The following FMN2 variants were observed in gnomAD, a reference collection of about 807,000 sequenced individuals.
FMN2 encodes the protein formin-2.
A neutral mutation model predicts 142.3 loss-of-function variants in FMN2; 51 were observed. The ratio of observed to expected loss-of-function variants is 0.36; its 90% confidence interval spans 0.29 to 0.45. The LOEUF (loss-of-function observed/expected upper bound fraction) is 0.45. Ranked by LOEUF, FMN2 falls within the 20% of genes least tolerant of loss-of-function variation. The pLI, the probability that FMN2 is intolerant of heterozygous loss-of-function variation, is 1.00. For synonymous variants in FMN2, 882 were observed against 869.8 expected, an observed-to-expected ratio of 1.01 and a Z score of -0.25; for missense variants, 1,936 against 2,122.8, an observed-to-expected ratio of 0.91 and a Z score of 1.73.
At chr1:240,141,880 G>C (rs2103253649) in intron 2 of FMN2, among the ~76,000 whole-genome samples, 1 of 152,224 alleles carries the variant, frequency 6.6e-6, no homozygotes, top group East Asian at 1.9e-4. Flanking sequence ...CTCAGAAGTT[G>C]GGTGGTTGAG....
At chr1:240,419,658 T>C (rs1674699122) in intron 15 of FMN2, among the ~76,000 whole-genome samples, 1 of 152,172 alleles carries the variant, frequency 6.6e-6, no homozygotes, top group Admixed American at 6.5e-5. Context: ...CCTTTTGCAC[T>C]ATACAGTCTA....
chr1:240,171,049 G>A, intron 2 of FMN2: 2 of 1,129,226 alleles, frequency 1.8e-6, no homozygotes, highest in Non-Finnish European at 2.7e-6. Flanking sequence ...GGTGGTTGGA[G>A]TAGCTGCTTC....
intron 8 of FMN2, among the ~76,000 whole-genome samples, chr1:240,323,193 T>TTC (rs778521079): frequency 4.7e-5 from 7 of 150,448 alleles, no homozygotes; most frequent in Non-Finnish European, 8.9e-5. Context: ...TTTTCTTTCT[T>TTC]TCTCTCTCTC....
chr1:240,208,718 A>G lies in FMN2; in HGVS notation c.3906A>G (p.Gln1302=). The G allele has an allele frequency of 6.2e-7, 1 of 1,610,070 alleles. No individual in the cohort carries two copies. The highest frequency in any genetic ancestry group is 1.1e-5 in the South Asian group (1 of 91,002). ...AGCCTCTTTACTGGACCAGGATTCA[A>G]CTACATAGTAAAAGGTAACATGAAA... is the stretch of plus-strand genomic sequence containing the variant. ...PMKPLYWTRI[Q]LHSKRDSSTS... The change falls in exon 5 of 18, where the codon CAA becomes CAG. Residue 1302 remains glutamine, a synonymous_variant. Coordinates refer to ENST00000319653, the MANE Select transcript of FMN2 (RefSeq NM_020066.5).
chr1:240,209,534 G>A (rs1318492789), intron 5 of FMN2, among the ~76,000 whole-genome samples: 3 of 151,066 alleles, frequency 2.0e-5, no homozygotes, highest in South Asian at 2.1e-4. Context: ...GATGACAGGC[G>A]TGAGCCACCG....
intron 16 of FMN2, chr1:240,472,105 C>G (rs1028702191): frequency 2.9e-6 from 1 of 339,704 alleles, no homozygotes. Flanking sequence ...TGCATACACA[C>G]TCTGCATAGA....
intron 2 of FMN2, among the ~76,000 whole-genome samples, chr1:240,159,085 TTGA>T (rs1344835607): frequency 6.6e-6 from 1 of 152,266 alleles, no homozygotes; most frequent in Admixed American, 6.5e-5. Flanking sequence ...CATTATCTAA[TTGA>T]TGATAGAATA....
At chr1:240,202,927 C>T (rs1006494204) in intron 4 of FMN2, among the ~76,000 whole-genome samples, 4 of 152,094 alleles carry the variant, frequency 2.6e-5, no homozygotes, top group Non-Finnish European at 5.9e-5. Flanking sequence ...TTCTTACATG[C>T]TATTTATCAA....
rs773251086 is a variant in FMN2 at position 240,208,760 on chromosome 1, A to G, written c.3920+28A>G. 30 of 1,586,384 alleles carry G rather than the reference A, an allele frequency of 1.9e-5. No homozygotes were observed. The South Asian group carries it at 3.4e-4, about 18-fold the overall frequency. On this transcript the variant is annotated intron_variant, in intron 5 of 17. Coordinates refer to ENST00000319653, the MANE Select transcript of FMN2 (RefSeq NM_020066.5). ...AACATGAAAGTGAGCTCGTCTTTGC[A>G]CAGTGTGTGTCAGTATTAGGGAAGT... is the stretch of plus-strand genomic sequence containing the variant.
chr1:240,099,158 T>TA (rs1028464076), intron 1 of FMN2, among the ~76,000 whole-genome samples: 20 of 152,078 alleles, frequency 1.3e-4, no homozygotes, highest in Non-Finnish European at 2.6e-4. Flanking sequence ...TAACTGGGGC[T>TA]ATTTGCTCTC....
At chr1:240,184,777 A>T (rs915205075) in intron 3 of FMN2, among the ~76,000 whole-genome samples, 3 of 151,738 alleles carry the variant, frequency 2.0e-5, no homozygotes, top group African/African-American at 7.3e-5. Context: ...TCCGGGAGTG[A>T]TCACTTTCAT....
rs757715191 is a variant in FMN2 at position 240,329,081 on chromosome 1, A to G, written c.4221A>G (p.Ala1407=). 1.2e-6 allele frequency: 2 copies of G among 1,614,046 alleles called. No individual in the cohort carries two copies. The highest frequency in any genetic ancestry group is 1.3e-5 in the African/African-American group (1 of 75,060). The part of the protein sequence containing the change: ...ETLQALYENR[A]QSDELEKIEK... ...TTTGGTTTTTGTTTTTCTAGAGAGC[A>G]CAGTCAGACGAACTCGAAAAAATAG... The change falls in exon 9 of 18, where the codon GCA becomes GCG. Residue 1407 remains alanine, a synonymous_variant. Transcript: ENST00000319653.
chr1:240,323,284 T>A (rs1671044637), intron 8 of FMN2, among the ~76,000 whole-genome samples: 1 of 151,882 alleles, frequency 6.6e-6, no homozygotes, highest in Admixed American at 6.6e-5. Context: ...AACCTGCACC[T>A]CCCAGGTCCA....
chr1:240,407,875 C>G (rs911493131), intron 15 of FMN2, among the ~76,000 whole-genome samples: 1 of 152,102 alleles, frequency 6.6e-6, no homozygotes, highest in African/African-American at 2.4e-5. Flanking sequence ...GTTTTAATCC[C>G]TCTAGTAATA....
At chr1:240,097,610 C>T (rs1004882397) in intron 1 of FMN2, among the ~76,000 whole-genome samples, 2 of 152,134 alleles carry the variant, frequency 1.3e-5, no homozygotes, top group African/African-American at 2.4e-5. Context: ...CCGCCTCGGC[C>T]GCCCAAAGTG....
chr1:240,308,521 G>A (rs1670491514), intron 8 of FMN2, among the ~76,000 whole-genome samples: 1 of 152,136 alleles, frequency 6.6e-6, no homozygotes. Context: ...AGAAAAGAGG[G>A]ACGAGGACGG....
intron 1 of FMN2, among the ~76,000 whole-genome samples, chr1:240,110,000 C>T (rs6684350): frequency 0.025 from 3,797 of 152,236 alleles, 144 homozygotes; most frequent in African/African-American, 0.087. Context: ...TCCCCAACCT[C>T]CCAGTTCCAC....
At chr1:240,287,321 T>C (rs1003064515) in intron 7 of FMN2, among the ~76,000 whole-genome samples, 1 of 152,176 alleles carries the variant, frequency 6.6e-6, no homozygotes, top group Non-Finnish European at 1.5e-5. Context: ...ACAAAGGTCT[T>C]TGCTTCTCAG....
chr1:240,255,842 T>A (rs1668435398), intron 6 of FMN2, among the ~76,000 whole-genome samples: 1 of 152,188 alleles, frequency 6.6e-6, no homozygotes, highest in Non-Finnish European at 1.5e-5. Flanking sequence ...CAGACATGTA[T>A]GTCTCTACAG....
Sources: allele counts gnomAD v4.1 joint callset (sites outside exome capture counted in the v4.1 genomes callset), GRCh38; gene constraint gnomAD v4.1.1; transcripts MANE v1.5; gene names NCBI Gene and HGNC (gene_info 2026-07-23, HGNC 2026-07-21).